The following BBS9 variants were observed in gnomAD, a reference collection of about 807,000 sequenced individuals.
The protein encoded by BBS9 is Bardet-Biedl syndrome 9.
A neutral mutation model predicts 117.7 loss-of-function variants in BBS9; 89 were observed. The ratio of observed to expected loss-of-function variants is 0.76; its 90% confidence interval spans 0.64 to 0.90. The LOEUF is 0.90. Ranked by LOEUF, BBS9 falls within the 40% of genes least tolerant of loss-of-function variation. BBS9 has a pLI of 0.00. For synonymous variants in BBS9, 379 were observed against 370.9 expected, an observed-to-expected ratio of 1.02 and a Z score of -0.25; for missense variants, 982 against 1,042.2, an observed-to-expected ratio of 0.94 and a Z score of 0.80.
At chr7:33,482,558 G>A (rs1209133599) in intron 19 of BBS9, among the ~76,000 whole-genome samples, 1 of 152,178 alleles carries the variant, frequency 6.6e-6, no homozygotes, top group Non-Finnish European at 1.5e-5. Flanking sequence ...AGGTTAGTAA[G>A]TTGTAGAGCT....
At chr7:33,417,969 G>A (rs1832277664) in intron 19 of BBS9, among the ~76,000 whole-genome samples, 1 of 152,180 alleles carries the variant, frequency 6.6e-6, no homozygotes, top group South Asian at 2.1e-4. Context: ...GGTGCAGTGT[G>A]CAGCCACTAG....
intron 5 of BBS9, among the ~76,000 whole-genome samples, chr7:33,220,169 A>G (rs1789962425): frequency 6.6e-6 from 1 of 152,188 alleles, no homozygotes; most frequent in Non-Finnish European, 1.5e-5. Flanking sequence ...CATTTTTCTT[A>G]GAGTCTTATA....
intron 17 of BBS9, among the ~76,000 whole-genome samples, chr7:33,370,288 T>C (rs1165370062): frequency 6.7e-6 from 1 of 150,100 alleles, no homozygotes; most frequent in African/African-American, 2.5e-5. Context: ...TGAGACCTAG[T>C]CCCTATTTAA....
At chr7:33,165,951 G>T (rs1435212924) in intron 4 of BBS9, among the ~76,000 whole-genome samples, 2 of 152,130 alleles carry the variant, frequency 1.3e-5, no homozygotes, top group African/African-American at 2.4e-5. Context: ...TTCTGCTCTG[G>T]TTTCTCCCCA....
At chr7:33,552,671 A>G (rs554711098) in intron 21 of BBS9, among the ~76,000 whole-genome samples, 1 of 152,272 alleles carries the variant, frequency 6.6e-6, no homozygotes, top group South Asian at 2.1e-4. Flanking sequence ...TTCCCAACAG[A>G]AGTTAATGCC....
intron 5 of BBS9, among the ~76,000 whole-genome samples, chr7:33,198,527 A>T (rs1785295116): frequency 1.3e-5 from 2 of 152,028 alleles, no homozygotes; most frequent in Admixed American, 6.6e-5. Context: ...GATAAGCTAC[A>T]AGGAAAGAAA....
chr7:33,568,135 G>C (rs1052448394), intron 21 of BBS9, among the ~76,000 whole-genome samples: 1 of 152,044 alleles, frequency 6.6e-6, no homozygotes, highest in South Asian at 2.1e-4. Context: ...CAGGCCCTTC[G>C]TGACCTCATG....
At chr7:33,407,613 G>C (rs925359712) in intron 19 of BBS9, among the ~76,000 whole-genome samples, 2 of 152,024 alleles carry the variant, frequency 1.3e-5, no homozygotes, top group African/African-American at 2.4e-5. Flanking sequence ...TGGGTTTTTC[G>C]TGTGGATGTC....
At chr7:33,357,532 G>C (rs1819829360) in intron 15 of BBS9, among the ~76,000 whole-genome samples, 1 of 151,724 alleles carries the variant, frequency 6.6e-6, no homozygotes, top group African/African-American at 2.4e-5. Context: ...AGGTCTTAAA[G>C]ACTTAGTTCA....
chr7:33,209,148 T>C (rs1787540123), intron 5 of BBS9, among the ~76,000 whole-genome samples: 1 of 152,170 alleles, frequency 6.6e-6, no homozygotes, highest in African/African-American at 2.4e-5. Flanking sequence ...TCCGTGAGTT[T>C]AATTGTTTTA....
chr7:33,233,889 C>T (rs1039893528), intron 5 of BBS9, among the ~76,000 whole-genome samples: 7 of 152,086 alleles, frequency 4.6e-5, no homozygotes, highest in African/African-American at 1.4e-4. Context: ...TTTCACTTTC[C>T]GTGGTTTGAG....
chr7:33,341,944 T>C (rs1563028940), intron 11 of BBS9, among the ~76,000 whole-genome samples: 2 of 152,106 alleles, frequency 1.3e-5, no homozygotes, highest in Admixed American at 1.3e-4. Flanking sequence ...GGTGTAGAAA[T>C]TGATCTGTGT....
At chr7:33,493,724 A>G (rs988598285) in intron 19 of BBS9, among the ~76,000 whole-genome samples, 5 of 152,172 alleles carry the variant, frequency 3.3e-5, no homozygotes, top group African/African-American at 1.2e-4. Flanking sequence ...GACGTCAAGT[A>G]GCTAGAAATC....
At chr7:33,341,299 T>G (rs985940770) in intron 11 of BBS9, among the ~76,000 whole-genome samples, 1 of 152,168 alleles carries the variant, frequency 6.6e-6, no homozygotes, top group African/African-American at 2.4e-5. Flanking sequence ...GACGTAATAC[T>G]AATGTAGCTG....
At chr7:33,542,334 C>T (rs867999874) in intron 21 of BBS9, among the ~76,000 whole-genome samples, 7 of 152,132 alleles carry the variant, frequency 4.6e-5, no homozygotes, top group African/African-American at 7.2e-5. Flanking sequence ...CCACCCACCT[C>T]GGCCTCCCAA....
rs1214510701 is a variant in BBS9, at chr7:33,505,582, T to C, written c.2235T>C (p.Ser745=). 3.1e-6 allele frequency: 5 copies of C among 1,614,104 alleles called. No homozygotes were observed. Among genetic ancestry groups the C allele is most frequent in the South Asian group, 1.1e-5 (1 of 91,084 alleles). ...TGATCGCGCTGTGGCAGAAGCTTAGTGCTGACCAGGTTGCTATTCTGGAAG... is the reference window on the plus strand; with the variant it reads ...TGATCGCGCTGTGGCAGAAGCTTAGCGCTGACCAGGTTGCTATTCTGGAAG... ...ILLIALWQKL[S]ADQVAILEAA... is the part of the protein sequence containing the mutation. The change falls in exon 20 of 23, where the codon AGT becomes AGC. Residue 745 remains serine, a synonymous_variant. Transcript: ENST00000242067.
intron 21 of BBS9, among the ~76,000 whole-genome samples, chr7:33,553,775 A>G (rs1237839677): frequency 1.3e-5 from 2 of 152,162 alleles, no homozygotes; most frequent in Non-Finnish European, 2.9e-5. Context: ...GATTTTTTTA[A>G]ATGCTACTGT....
At chr7:33,202,464 A>T (rs1786048896) in intron 5 of BBS9, among the ~76,000 whole-genome samples, 1 of 152,188 alleles carries the variant, frequency 6.6e-6, no homozygotes, top group Admixed American at 6.5e-5. Context: ...CCATTCTCAC[A>T]TTGCTATAAA....
chr7:33,319,423 G>T (rs900334690), intron 9 of BBS9, among the ~76,000 whole-genome samples: 6 of 152,166 alleles, frequency 3.9e-5, no homozygotes, highest in Non-Finnish European at 7.4e-5. Flanking sequence ...TAGTGGGATT[G>T]CTGGATCAAA....
Sources: allele counts gnomAD v4.1 joint callset (sites outside exome capture counted in the v4.1 genomes callset), GRCh38; gene constraint gnomAD v4.1.1; transcripts MANE v1.5; gene names NCBI Gene and HGNC (gene_info 2026-07-23, HGNC 2026-07-21).